CES5A: variants seen among roughly 807,000 people sequenced by gnomAD.
CES5A encodes the protein carboxylesterase 5A, also known as carboxylesterase 5.
In CES5A, 67 loss-of-function variants were observed where a neutral mutation model predicts 62.9. The ratio of observed to expected loss-of-function variants is 1.07; its 90% CI spans 0.88 to 1.31. The LOEUF (loss-of-function observed/expected upper bound fraction) is 1.31, where lower values mean the gene tolerates loss of function less well. CES5A is among the 50% of genes most tolerant of loss of function. The pLI is 0.00. For missense variants in CES5A, 748 were observed against 708.5 expected (o/e 1.06, Z -0.63); for synonymous variants, 296 against 280.8 (o/e 1.05, Z -0.54).
rs527306265 is a variant in CES5A, at chr16:55,884,051, C to T, written c.-255-10014G>A. On this transcript the variant is annotated intron_variant, in intron 1 of 12. Transcript: ENST00000518005. ...AATATTTGCTCAGTACACAGTCACC[C>T]AAATAAACAACCATACATCCCTTCG... Among the ~76,000 whole-genome samples, 9 of 152,312 alleles carry T rather than the reference C, an allele frequency of 5.9e-5. No individual in the cohort carries two copies. The South Asian group carries it at 1.9e-3, about 32-fold the overall frequency.
chr16:55,876,430 TGGA>T (rs2033694786), upstream of CES5A, among the ~76,000 whole-genome samples: 2 of 152,180 alleles, frequency 1.3e-5, no homozygotes, highest in Admixed American at 6.5e-5. Context: ...TGGTGTATGG[TGGA>T]GAAGATCCCC....
intron 2 of CES5A, among the ~76,000 whole-genome samples, chr16:55,930,705 T>C (rs1404407774): frequency 1.3e-5 from 2 of 152,222 alleles, no homozygotes; most frequent in African/African-American, 4.8e-5. Context: ...CTAATCACGG[T>C]TGTAATTTTA....
intron 1 of CES5A, among the ~76,000 whole-genome samples, chr16:55,901,352 A>G (rs1404165182): frequency 6.6e-6 from 1 of 152,178 alleles, no homozygotes; most frequent in African/African-American, 2.4e-5. Context: ...CTTCATTAGC[A>G]GTGTGAAAAC....
At chr16:55,907,688 T>C (rs1174965107) in intron 1 of CES5A, among the ~76,000 whole-genome samples, 1 of 152,050 alleles carries the variant, frequency 6.6e-6, no homozygotes, top group Non-Finnish European at 1.5e-5. Flanking sequence ...GGCACCCTCA[T>C]TATTCTCAGG....
intron 1 of CES5A, among the ~76,000 whole-genome samples, chr16:55,917,885 T>G (rs1451035006): frequency 1.3e-5 from 2 of 152,140 alleles, no homozygotes; most frequent in Non-Finnish European, 2.9e-5. Flanking sequence ...CTCCCTCAAG[T>G]TTTTCCTATC....
chr16:55,895,374 G>C (rs1279879039), intron 1 of CES5A, among the ~76,000 whole-genome samples: 1 of 152,236 alleles, frequency 6.6e-6, no homozygotes, highest in Admixed American at 6.5e-5. Flanking sequence ...AAATCCACGG[G>C]GGGCAGTACT....
At chr16:55,877,705 G>A (rs2033713582), upstream of CES5A, among the ~76,000 whole-genome samples, 1 of 152,096 alleles carries the variant, frequency 6.6e-6, no homozygotes, top group Admixed American at 6.5e-5. Flanking sequence ...TGCCTTACAG[G>A]TACCAGACCC....
Position 55,846,807 on chromosome 16 carries a change from C to T in CES5A, c.1457G>A (p.Arg486Gln), listed in dbSNP as rs1228385504. Residue 486 changes from arginine to glutamine, a missense_variant, in exon 12 of 13, where the codon CGG becomes CAG. Transcript: ENST00000290567. ...GGTAGCCCAGTATTTCATCATCTTC[C>T]GGCTCAGTAACTTCTCCTCCTCCGT... ...GATEEEKLLS[R>Q]KMMKYWATFA... 4 of 1,613,980 alleles carry T rather than the reference C, an allele frequency of 2.5e-6. No individual in the cohort carries two copies. Among genetic ancestry groups the T allele is most frequent in the East Asian group, 2.2e-5 (1 of 44,876 alleles).
At chr16:55,867,277 T>C (rs7405407) in intron 4 of CES5A, among the ~76,000 whole-genome samples, 43,100 of 151,886 alleles carry the variant, frequency 0.28, 6,267 homozygotes, top group Middle Eastern at 0.37. Context: ...GGTTAAACCC[T>C]CTTGCCCAAG....
At chr16:55,864,197 A>C (rs535300732) in intron 5 of CES5A, among the ~76,000 whole-genome samples, 1 of 152,320 alleles carries the variant, frequency 6.6e-6, no homozygotes, top group Non-Finnish European at 1.5e-5. Flanking sequence ...TCATGAAATA[A>C]TGGTTGTTAT....
upstream of CES5A, among the ~76,000 whole-genome samples, chr16:55,877,466 G>A (rs374457393): frequency 5.5e-4 from 82 of 147,802 alleles, no homozygotes; most frequent in African/African-American, 1.9e-3. Flanking sequence ...GTGTGTGTGT[G>A]TATATATATA....
chr16:55,917,069 C>T (rs2034154410), intron 1 of CES5A, among the ~76,000 whole-genome samples: 1 of 152,160 alleles, frequency 6.6e-6, no homozygotes, highest in South Asian at 2.1e-4. Context: ...TTGGCCAAAC[C>T]TTGAAGGCAG....
At chr16:55,883,418 T>A (rs375999948) in intron 1 of CES5A, among the ~76,000 whole-genome samples, 1 of 152,084 alleles carries the variant, frequency 6.6e-6, no homozygotes, top group Admixed American at 6.5e-5. Flanking sequence ...ATTACAGGCA[T>A]GCACCACCAC....
At chr16:55,862,565 T>C (rs2033374907) in intron 6 of CES5A, among the ~76,000 whole-genome samples, 1 of 152,254 alleles carries the variant, frequency 6.6e-6, no homozygotes, top group South Asian at 2.1e-4. Context: ...TTATGGAGAA[T>C]GTTACCAAAA....
upstream of CES5A, among the ~76,000 whole-genome samples, chr16:55,926,089 A>G (rs1326625189): frequency 2.6e-5 from 4 of 152,200 alleles, no homozygotes; most frequent in Admixed American, 6.5e-5. Context: ...ATAACATTCT[A>G]TCATACATTT....
At chr16:55,942,431 G>A (rs1045562951) in intron 2 of CES5A, among the ~76,000 whole-genome samples, 5 of 152,160 alleles carry the variant, frequency 3.3e-5, no homozygotes, top group African/African-American at 1.2e-4. Context: ...CTTCACAGGG[G>A]AAGATACACA....
upstream of CES5A, chr16:55,875,482 G>T (rs182086323): frequency 9.9e-5 from 76 of 764,184 alleles, no homozygotes; most frequent in African/African-American, 1.4e-3. Flanking sequence ...TTGGACTTCC[G>T]GGATGGGGGA....
At chr16:55,913,528 G>A (rs1567352288) in intron 1 of CES5A, among the ~76,000 whole-genome samples, 2 of 152,160 alleles carry the variant, frequency 1.3e-5, no homozygotes, top group Admixed American at 6.5e-5. Context: ...TTCGGGAAAG[G>A]GCTATTATCT....
intron 9 of CES5A, among the ~76,000 whole-genome samples, chr16:55,854,924 A>G (rs1278383278): frequency 6.6e-6 from 1 of 152,140 alleles, no homozygotes; most frequent in Non-Finnish European, 1.5e-5. Flanking sequence ...CATAGCTTAC[A>G]ACAGCTGAAA....
Sources: allele counts gnomAD v4.1 joint callset (sites outside exome capture counted in the v4.1 genomes callset), GRCh38; gene constraint gnomAD v4.1.1; transcripts MANE v1.5; gene names NCBI Gene and HGNC (gene_info 2026-07-23, HGNC 2026-07-21).